The following CRAMP1 variants were observed in gnomAD, a reference collection of about 807,000 sequenced individuals.
CRAMP1 encodes the protein cramped chromatin regulator 1.
In CRAMP1, 50 loss-of-function variants were observed where a neutral mutation model predicts 115.4. That is an observed-to-expected ratio of 0.43 (90% CI 0.35 to 0.55). The LOEUF (loss-of-function observed/expected upper bound fraction) is 0.55. Ranked by LOEUF, CRAMP1 falls within the 20% of genes least tolerant of loss-of-function variation. The pLI, the probability that CRAMP1 is intolerant of heterozygous loss-of-function variation, is 0.01. For synonymous variants in CRAMP1, 866 were observed against 745.4 expected (o/e 1.16, Z -2.64); for missense variants, 1,679 against 1,721.7 (o/e 0.98, Z 0.44).
chr16:1,631,740 C>T (rs1033241838), intron 3 of CRAMP1, among the ~76,000 whole-genome samples: 1 of 152,240 alleles, frequency 6.6e-6, no homozygotes, highest in African/African-American at 2.4e-5. Flanking sequence ...GTGCGGTTCA[C>T]TTACTAAATG....
chr16:1,655,733 G>A, intron 9 of CRAMP1, 144 bp from the exon 10 acceptor site: 2 of 836,906 alleles, frequency 2.4e-6, no homozygotes, highest in Middle Eastern at 3.6e-4. Context: ...TTGGGTAGTG[G>A]TGTGAGGAAA....
intron 8 of CRAMP1, among the ~76,000 whole-genome samples, chr16:1,654,343 C>G (rs141259877): frequency 0.022 from 3,296 of 151,782 alleles, 218 homozygotes; most frequent in Admixed American, 0.13. Context: ...TCCCGAGCAG[C>G]TGGGATTACA....
intron 11 of CRAMP1, 118 bp from the exon 12 acceptor site, chr16:1,662,372 C>T: frequency 1.3e-6 from 1 of 768,142 alleles, no homozygotes; most frequent in Non-Finnish European, 2.2e-6. Context: ...CCTTTCAAGG[C>T]AGCCGAACGG....
chr16:1,631,627 C>G (rs1365963241), intron 3 of CRAMP1, among the ~76,000 whole-genome samples: 2 of 152,222 alleles, frequency 1.3e-5, no homozygotes, highest in Non-Finnish European at 2.9e-5. Context: ...TGAGGCTGTT[C>G]TGTGGAACAC....
At chr16:1,620,144 C>G (rs1251702437) in intron 2 of CRAMP1, among the ~76,000 whole-genome samples, 1 of 152,154 alleles carries the variant, frequency 6.6e-6, no homozygotes. Context: ...ACCCACAACT[C>G]TGGCTCCAAG....
chr16:1,672,814 G>T lies in CRAMP1; in HGVS notation c.3646-1067G>T, dbSNP rs149202313. Among the ~76,000 whole-genome samples, 1 of 152,202 alleles carries T rather than the reference G, an allele frequency of 6.6e-6. No individual in the cohort carries two copies. Among genetic ancestry groups the T allele is most frequent in the Non-Finnish European group, 1.5e-5 (1 of 68,040 alleles). ...GTATTTGCTCATGGGACAAGATCCC[G>T]GTGCCGAGGCCCTCCCGTCCTCCGT... On this transcript the variant is annotated intron_variant, in intron 20 of 20. Coordinates refer to ENST00000397412, the MANE Select transcript of CRAMP1 (RefSeq NM_020825.4). This position sits in a 1 kb window ranked among gnomAD's most constrained non-coding sequence, Gnocchi z 4.9.
Position 1,669,149 on chromosome 16 carries a change from G to A in CRAMP1, c.3483G>A (p.Ser1161=), listed in dbSNP as rs200957173. The A allele has an allele frequency of 1.5e-3, 2,344 of 1,602,338 alleles. 4 individuals carry two copies. The highest frequency in any genetic ancestry group is 1.6e-3 in the Non-Finnish European group (1,873 of 1,173,994). Residue 1161 remains serine, a synonymous_variant, in exon 19 of 21, where the codon TCG becomes TCA. Transcript: ENST00000397412. The surrounding 1 kb of genome is among the most constrained non-coding windows in gnomAD (Gnocchi z 4.6). ...QWYPSDSTDS[S]LSSLFASFIS... ...ACCCCAGTGACTCCACCGACTCCTC[G>A]CTCAGCAGCCTGTTTGGTGAGTGTA...
At chr16:1,640,113 C>G (rs1046335913) in intron 5 of CRAMP1, among the ~76,000 whole-genome samples, 3 of 152,204 alleles carry the variant, frequency 2.0e-5, no homozygotes, top group Non-Finnish European at 4.4e-5. Context: ...CTTTTCATTC[C>G]TTCCTGAAGT....
chr16:1,615,020 C>T (rs879615489), intron 2 of CRAMP1, 35 bp downstream of exon 2: 12 of 1,182,844 alleles, frequency 1.0e-5, no homozygotes, highest in African/African-American at 1.6e-5. Context: ...GACCCCAGCC[C>T]CTCTCCGGGG....
chr16:1,670,553 G>A (rs572993178), intron 19 of CRAMP1, 111 bp from the exon 20 acceptor site: 14 of 1,181,082 alleles, frequency 1.2e-5, no homozygotes, highest in African/African-American at 1.1e-4. Flanking sequence ...GATTGGGGCC[G>A]GGGCCGGGGC....
chr16:1,633,934 G>A (rs530885193), intron 4 of CRAMP1, among the ~76,000 whole-genome samples: 12 of 152,150 alleles, frequency 7.9e-5, no homozygotes, highest in African/African-American at 2.9e-4. Context: ...TGGGCATGGT[G>A]GTGCACACCT....
At chr16:1,632,571 C>T (rs539153652) in intron 4 of CRAMP1, among the ~76,000 whole-genome samples, 1 of 152,266 alleles carries the variant, frequency 6.6e-6, no homozygotes, top group African/African-American at 2.4e-5. Flanking sequence ...TGGCCCGTAT[C>T]CCATGCTCCA....
Position 1,656,926 on chromosome 16 carries a change from C to T in CRAMP1, c.2169C>T (p.Ala723=), listed in dbSNP as rs763809108. ...CCCGCCCCGGCTCCCTACCCACCGCCCTCCACAAGCAGCGCCTCCTCAGCT... is the reference window on the plus strand; with the variant it reads ...CCCGCCCCGGCTCCCTACCCACCGCTCTCCACAAGCAGCGCCTCCTCAGCT... The part of the protein sequence containing the change: ...QDPRPGSLPT[A]LHKQRLLSCL... Residue 723 remains alanine, a synonymous_variant, in exon 10 of 21, where the codon GCC becomes GCT. Transcript: ENST00000397412. The surrounding 1 kb of genome is among the most constrained non-coding windows in gnomAD (Gnocchi z 5.6). 5.1e-6 allele frequency: 8 copies of T among 1,558,066 alleles called. No individual in the cohort carries two copies. The Admixed American group carries it at 7.7e-5, about 15-fold the overall frequency.
At position 1,634,802 on chromosome 16, in the gene CRAMP1, A is replaced by G. The variant is rs535626754; in HGVS notation, c.694+2437A>G. On this transcript the variant is annotated intron_variant, in intron 4 of 20. Transcript: ENST00000397412. ...GAGCATGAGGCTGGAGGCCACTAGGACACTGCGAAGTGACTGGCCCCATGG... is the reference window on the plus strand; with the variant it reads ...GAGCATGAGGCTGGAGGCCACTAGGGCACTGCGAAGTGACTGGCCCCATGG... Among the ~76,000 whole-genome samples the G allele has an allele frequency of 5.9e-5, 9 of 152,328 alleles. No homozygotes were observed. The East Asian group carries it at 1.5e-3, about 26-fold the overall frequency.
intron 8 of CRAMP1, among the ~76,000 whole-genome samples, chr16:1,653,511 G>A (rs1049150618): frequency 3.3e-5 from 5 of 152,198 alleles, no homozygotes; most frequent in Admixed American, 3.3e-4. Context: ...TCGTGGAAAT[G>A]GACCCTTTTT....
chr16:1,661,072 A>G (rs2036825281), intron 11 of CRAMP1, among the ~76,000 whole-genome samples: 1 of 152,032 alleles, frequency 6.6e-6, no homozygotes, highest in South Asian at 2.1e-4. Flanking sequence ...GCTCATGCCT[A>G]TAATCCCAGC....
In CRAMP1 at chr16:1,677,688, T is replaced by C. The variant is rs529196272; in HGVS notation, c.*3643T>C. The C allele has an allele frequency of 6.6e-6, 1 of 152,668 alleles. No individual in the cohort carries two copies. The highest frequency in any genetic ancestry group is 2.4e-5 in the African/African-American group (1 of 41,464). The allele number at this position is 152,668 out of a possible 1,614,324, so 9.5% of individuals were successfully genotyped here. Reference sequence around the variant, plus strand: ...AGATATGAATTTGTTTTATAGATTATAAATATGCATATACAGTGTATGTAT... The same window carrying C: ...AGATATGAATTTGTTTTATAGATTACAAATATGCATATACAGTGTATGTAT... On this transcript the variant is annotated 3_prime_UTR_variant, in exon 21 of 21. Coordinates refer to ENST00000397412, the MANE Select transcript of CRAMP1 (RefSeq NM_020825.4).
At position 1,637,835 on chromosome 16, in the gene CRAMP1, G is replaced by T; in HGVS notation, c.706G>T (p.Gly236Cys). ...CTTCTGTTTCTCAGTGTTCTCTCGAGGCCTGAAGAAGTCATCCCAGGAACT... is the reference window on the plus strand; with the variant it reads ...CTTCTGTTTCTCAGTGTTCTCTCGATGCCTGAAGAAGTCATCCCAGGAACT... Reference protein sequence around the residue: ...YIDFDHVFSRGLKKSSQELYG... With the variant: ...YIDFDHVFSRCLKKSSQELYG... Residue 236 changes from glycine (G) to cysteine (C), a missense_variant, in exon 5 of 21, where the codon GGC becomes TGC. This residue lies in a region of CRAMP1 where 42 missense variants were observed against 42.3 expected (regional missense o/e 0.99). Transcript: ENST00000397412. The T allele has an allele frequency of 6.5e-7, 1 of 1,547,798 alleles. No individual in the cohort carries two copies. The highest frequency in any genetic ancestry group is 8.7e-7 in the Non-Finnish European group (1 of 1,148,272).
chr16:1,615,708 C>G (rs1488061112), intron 2 of CRAMP1, among the ~76,000 whole-genome samples: 1 of 152,190 alleles, frequency 6.6e-6, no homozygotes, highest in Non-Finnish European at 1.5e-5. Context: ...TCTCCATGTG[C>G]CAGTGCTTCA....
Sources: gnomAD v4.1 joint callset for allele counts (sites outside exome capture counted in the v4.1 genomes callset) on GRCh38, gnomAD v4.1.1 for gene constraint, gnomAD v4.1.1 regional missense constraint, Gnocchi (gnomAD v3.1) non-coding constraint, MANE v1.5 for transcripts, NCBI Gene and HGNC (gene_info 2026-07-23, HGNC 2026-07-21) for gene names.